The following KDM4C variants were observed in gnomAD, a reference collection of about 807,000 sequenced individuals.
KDM4C encodes the protein lysine demethylase 4C, also known as lysine-specific demethylase 4C.
A neutral mutation model predicts 129.3 loss-of-function variants in KDM4C; 81 were observed. The observed-to-expected ratio is 0.63, with a 90% CI of 0.52 to 0.75. The LOEUF is 0.75. KDM4C is among the 30% of genes least tolerant of loss of function. The pLI is 0.00. For synonymous variants in KDM4C, 573 were observed against 456.1 expected, an observed-to-expected ratio of 1.26 and a Z score of -3.26; for missense variants, 1,457 against 1,304.0, an observed-to-expected ratio of 1.12 and a Z score of -1.81.
chr9:6,750,393 C>A (rs1245779924), intron 1 of KDM4C, among the ~76,000 whole-genome samples: 1 of 150,302 alleles, frequency 6.7e-6, no homozygotes, highest in Non-Finnish European at 1.5e-5. Context: ...GAGCCGAGAT[C>A]GTGTCATTGC....
intron 17 of KDM4C, among the ~76,000 whole-genome samples, chr9:7,055,857 G>A (rs1483198429): frequency 6.6e-6 from 1 of 152,164 alleles, no homozygotes. Context: ...ATGTTCGTGA[G>A]CAACTTGGCT....
chr9:6,879,996 A>C lies in KDM4C; in HGVS notation c.630-16A>C, dbSNP rs376028732. ...AATTATAAACCTAAAATTTTTACTT[A>C]TGTTTAAAATTTTAGGTATGCTATA... On this transcript the variant is annotated splice_polypyrimidine_tract_variant and intron_variant, in intron 5 of 21. Coordinates refer to ENST00000381309, the MANE Select transcript of KDM4C (RefSeq NM_015061.6). 1.4e-6 allele frequency: 2 copies of C among 1,465,890 alleles called. No individual in the cohort carries two copies. Among genetic ancestry groups the C allele is most frequent in the Non-Finnish European group, 1.9e-6 (2 of 1,068,710 alleles). The allele number at this position is 1,465,890 out of a possible 1,614,324, so 90.8% of individuals were successfully genotyped here.
chr9:7,022,200 G>T (rs2132266827), intron 15 of KDM4C, among the ~76,000 whole-genome samples: 1 of 152,080 alleles, frequency 6.6e-6, no homozygotes, highest in East Asian at 1.9e-4. Context: ...AATGTCTTTA[G>T]TATTTTGATA....
At chr9:7,047,341 T>C (rs1388866035) in intron 16 of KDM4C, among the ~76,000 whole-genome samples, 1 of 152,052 alleles carries the variant, frequency 6.6e-6, no homozygotes, top group Non-Finnish European at 1.5e-5. Context: ...CCATTTACTT[T>C]TTACATTAGC....
intron 1 of KDM4C, among the ~76,000 whole-genome samples, chr9:6,764,813 C>A (rs1010494001): frequency 9.2e-5 from 14 of 152,272 alleles, no homozygotes; most frequent in Admixed American, 3.3e-4. Flanking sequence ...CCATCCAGTT[C>A]CAGGTATTAA....
In KDM4C at chr9:7,112,118, C is replaced by G. The variant is rs185357584; in HGVS notation, c.2610+8248C>G. On this transcript the variant is annotated intron_variant, in intron 18 of 21. Coordinates refer to ENST00000381309, the MANE Select transcript of KDM4C (RefSeq NM_015061.6). ...GGAGAGGCTATTATTTATCTTGTTTCAAGAGTTCCTCAAAGTAGGGAAGAT... is the reference window on the plus strand; with the variant it reads ...GGAGAGGCTATTATTTATCTTGTTTGAAGAGTTCCTCAAAGTAGGGAAGAT... Among the ~76,000 whole-genome samples the G allele has an allele frequency of 2.0e-5, 3 of 152,150 alleles. No homozygotes were observed. The East Asian group carries it at 5.8e-4, about 30-fold the overall frequency.
chr9:7,022,370 T>G (rs1401113546), intron 15 of KDM4C, among the ~76,000 whole-genome samples: 1 of 152,168 alleles, frequency 6.6e-6, no homozygotes, highest in Non-Finnish European at 1.5e-5. Flanking sequence ...ATCTTTCACT[T>G]CTCTGGTAAG....
intron 4 of KDM4C, among the ~76,000 whole-genome samples, chr9:6,830,323 C>G (rs1834603062): frequency 6.6e-6 from 1 of 152,118 alleles, no homozygotes; most frequent in Non-Finnish European, 1.5e-5. Flanking sequence ...TTCACTTGCC[C>G]AAGGGTAGAG....
intron 15 of KDM4C, among the ~76,000 whole-genome samples, chr9:7,021,156 AT>A (rs1411175299): frequency 1.9e-3 from 243 of 131,058 alleles, no homozygotes; most frequent in African/African-American, 2.1e-3. Context: ...ATATATATGT[AT>A]TTTTTTTTTT....
Position 7,013,826 on chromosome 9 carries a change from G to C in KDM4C, c.2007G>C (p.Glu669Asp). ...SSNEENDARW[E>D]TKLDEVVTSE... ...ATGAAGAAAATGATGCTAGATGGGA[G>C]ACAAAATTAGATGAAGTCGTTACAT... is the stretch of plus-strand genomic sequence containing the variant. Residue 669 changes from glutamate (E) to aspartate (D), a missense_variant, in exon 14 of 22, where the codon GAG becomes GAC. Transcript: ENST00000381309. 6.2e-7 allele frequency: 1 copy of C among 1,613,960 alleles called. No homozygotes were observed.
intron 19 of KDM4C, among the ~76,000 whole-genome samples, chr9:7,133,768 C>G (rs961630131): frequency 1.3e-5 from 2 of 152,188 alleles, no homozygotes; most frequent in African/African-American, 4.8e-5. Flanking sequence ...GCTTGGCAAG[C>G]ATAGGTGTAG....
chr9:6,806,915 TCTCCGTCTCCCC>T (rs1830092883), intron 3 of KDM4C, among the ~76,000 whole-genome samples: 1 of 143,602 alleles, frequency 7.0e-6, no homozygotes, highest in Non-Finnish European at 1.5e-5. Flanking sequence ...TCCCTCTCCC[TCTCCGTCTCCCC>T]ACGGTCTCCC....
At chr9:6,830,581 A>C (rs954285769) in intron 4 of KDM4C, among the ~76,000 whole-genome samples, 3 of 152,234 alleles carry the variant, frequency 2.0e-5, no homozygotes, top group Admixed American at 2.0e-4. Context: ...TATATATTTG[A>C]TATTTTAAAG....
intron 17 of KDM4C, among the ~76,000 whole-genome samples, chr9:7,074,099 A>T (rs1482008689): frequency 6.6e-6 from 1 of 152,214 alleles, no homozygotes; most frequent in African/African-American, 2.4e-5. Flanking sequence ...CTTACTTTAT[A>T]GAGAAAAAGG....
intron 1 of KDM4C, among the ~76,000 whole-genome samples, chr9:6,747,343 C>G (rs1477209445): frequency 6.6e-6 from 1 of 151,442 alleles, no homozygotes; most frequent in Non-Finnish European, 1.5e-5. Context: ...GTCAGGAGAT[C>G]GAGACCATCC....
At chr9:7,113,684 T>C (rs919064862) in intron 18 of KDM4C, among the ~76,000 whole-genome samples, 4 of 152,204 alleles carry the variant, frequency 2.6e-5, no homozygotes, top group African/African-American at 9.6e-5. Context: ...ACTCTAAAAA[T>C]GGTTGAACTC....
chr9:6,727,634 G>A lies in KDM4C; in HGVS notation c.49+6637G>A, dbSNP rs1277702081. 3.8e-5 allele frequency among the ~76,000 whole-genome samples: 4 copies of A among 104,450 alleles called. 1 individual carries two copies. The allele number at this position is 104,450 out of a possible 152,430, so 68.5% of individuals were successfully genotyped here. On this transcript the variant is annotated intron_variant, in intron 1 of 17. Transcript: ENST00000536108. ...TTGTACTAGTGTTGTAACTTTCCAA[G>A]TAAAAGTATCCCTAAAGGCCACTTC... is the stretch of plus-strand genomic sequence containing the variant.
chr9:7,026,585 C>A (rs1295841902), intron 15 of KDM4C, among the ~76,000 whole-genome samples: 1 of 151,952 alleles, frequency 6.6e-6, no homozygotes, highest in Non-Finnish European at 1.5e-5. Context: ...GTTAGATCTG[C>A]TTGGTATTCT....
At chr9:6,723,954 G>T (rs1404442614) in intron 1 of KDM4C, 3 of 152,168 alleles carry the variant, frequency 2.0e-5, no homozygotes, top group Non-Finnish European at 2.9e-5. Context: ...TCTTTTGATT[G>T]TAAGGAATGT....
Sources: allele counts gnomAD v4.1 joint callset (sites outside exome capture counted in the v4.1 genomes callset), GRCh38; gene constraint gnomAD v4.1.1; transcripts MANE v1.5; gene names NCBI Gene and HGNC (gene_info 2026-07-23, HGNC 2026-07-21).